Variants in DIAPH1 observed in about 807,000 individuals in gnomAD.
The protein encoded by DIAPH1 is diaphanous related formin 1.
In DIAPH1, 46 loss-of-function variants were observed where a neutral mutation model predicts 140.7. The observed-to-expected ratio is 0.33, with a 90% CI of 0.26 to 0.42. The LOEUF (loss-of-function observed/expected upper bound fraction) is 0.42. Ranked by LOEUF, DIAPH1 falls within the 10% of genes least tolerant of loss-of-function variation. The probability of loss-of-function intolerance (pLI) is 1.00; values close to 1 mark genes in which losing one functional copy is unlikely to be tolerated. For missense variants in DIAPH1, 1,310 were observed against 1,558.7 expected, an observed-to-expected ratio of 0.84 and a Z score of 2.69; for synonymous variants, 565 against 551.6, an observed-to-expected ratio of 1.02 and a Z score of -0.34.
chr5:141,584,793 A>C (rs2099897280), intron 3 of DIAPH1, among the ~76,000 whole-genome samples: 1 of 152,186 alleles, frequency 6.6e-6, no homozygotes, highest in Non-Finnish European at 1.5e-5. Context: ...CTTTCTACAT[A>C]TATAACAACC....
chr5:141,536,143 A>C (rs1343938219), intron 18 of DIAPH1: 3 of 385,276 alleles, frequency 7.8e-6, no homozygotes, highest in Non-Finnish European at 1.6e-5. Context: ...CTATAAAAAA[A>C]GTTCAAAAAT....
Position 141,576,268 on chromosome 5 carries a change from C to G in DIAPH1, c.1423G>C (p.Glu475Gln), listed in dbSNP as rs193036129. The G allele has an allele frequency of 6.2e-7, 1 of 1,614,038 alleles. No homozygotes were observed. The highest frequency in any genetic ancestry group is 1.1e-5 in the South Asian group (1 of 91,084). Residue 475 changes from glutamate to glutamine, a missense_variant, in exon 14 of 28, where the codon GAG (glutamate) becomes CAG (glutamine). Physicochemically the swap from Glu to Gln is conservative, Grantham distance 29 (BLOSUM62 2). Around this residue, in one of 3 missense-constraint regions of DIAPH1, gnomAD observed 589 missense variants for 549.3 expected, o/e 1.07. Transcript: ENST00000389054. ...TCTGCAGCTTTGGCTTCAGATTTCT[C>G]CACCTTTGTCTTATCAATCATTTGA... ...IDQMIDKTKV[E>Q]KSEAKAAELE...
chr5:141,578,971 G>A, intron 9 of DIAPH1, 117 bp downstream of exon 9: 1 of 845,718 alleles, frequency 1.2e-6, no homozygotes, highest in Non-Finnish European at 2.1e-6. Context: ...AACAGATTCT[G>A]AAATGTAAAA....
intron 18 of DIAPH1, among the ~76,000 whole-genome samples, chr5:141,556,873 T>G (rs1037569625): frequency 3.9e-5 from 6 of 152,162 alleles, no homozygotes; most frequent in South Asian, 4.1e-4. Flanking sequence ...TTTTGTATTT[T>G]TAGTAGAGAC....
chr5:141,604,281 T>C (rs17648271), intron 1 of DIAPH1, among the ~76,000 whole-genome samples: 9,401 of 152,272 alleles, frequency 0.062, 323 homozygotes, highest in South Asian at 0.11. Context: ...TGAATACATA[T>C]ACAGGAAACA....
intron 18 of DIAPH1, chr5:141,563,863 A>G (rs1171967293): frequency 1.3e-5 from 2 of 152,226 alleles, no homozygotes; most frequent in Non-Finnish European, 1.5e-5. Flanking sequence ...AGCATATTCT[A>G]TCCAAGTTAG....
intron 1 of DIAPH1, among the ~76,000 whole-genome samples, chr5:141,609,180 A>AC (rs1388855502): frequency 1.3e-5 from 2 of 151,520 alleles, no homozygotes; most frequent in Non-Finnish European, 2.9e-5. Context: ...AAAAAAAAAA[A>AC]AAAAAAACAG....
intron 1 of DIAPH1, among the ~76,000 whole-genome samples, chr5:141,589,810 A>G (rs1424834984): frequency 6.6e-6 from 1 of 152,112 alleles, no homozygotes; most frequent in Non-Finnish European, 1.5e-5. Context: ...CTGCCCCCCC[A>G]AAAAAGTCTG....
intron 18 of DIAPH1, among the ~76,000 whole-genome samples, chr5:141,568,708 C>T (rs2099894724): frequency 1.3e-5 from 2 of 152,064 alleles, no homozygotes; most frequent in Admixed American, 6.5e-5. Flanking sequence ...CTTCAATGCC[C>T]ATTCTTGGAG....
At position 141,573,999 on chromosome 5, in the gene DIAPH1, A is replaced by T. The variant is rs1562321098; in HGVS notation, c.1851T>A (p.Pro617=). Residue 617 remains proline, a synonymous_variant, in exon 16 of 28, where the codon CCT becomes CCA. Transcript: ENST00000389054. ...TPPPPPPPPP[P]PPPLPGGVCI... ...AAACACCCCCAGGCAAAGGAGGTGG[A>T]GGAGGAGGAGGAGGAGGAGGAGGAG... 7.2e-6 allele frequency: 7 copies of T among 976,360 alleles called. No individual in the cohort carries two copies. Among genetic ancestry groups the T allele is most frequent in the Non-Finnish European group, 7.9e-6 (6 of 759,594 alleles). 60.5% of individuals were successfully genotyped at this position (976,360 alleles called of 1,614,324 possible). A position where few individuals can be genotyped will look rare whatever the true frequency, so the allele number is the denominator to read the frequency against.
chr5:141,534,222 G>A, intron 19 of DIAPH1, 113 bp downstream of exon 19: 1 of 827,994 alleles, frequency 1.2e-6, no homozygotes, highest in Non-Finnish European at 2.1e-6. Flanking sequence ...TTGGTATATA[G>A]CAGGAATTGA....
At chr5:141,578,184 G>A in intron 11 of DIAPH1, 41 bp downstream of exon 11, 2 of 1,417,026 alleles carry the variant, frequency 1.4e-6, no homozygotes, top group Middle Eastern at 1.8e-4. Flanking sequence ...TAAATACAAT[G>A]AATGTCTCAT....
At chr5:141,573,169 G>A (rs891087582) in intron 16 of DIAPH1, among the ~76,000 whole-genome samples, 2 of 152,072 alleles carry the variant, frequency 1.3e-5, no homozygotes, top group African/African-American at 4.8e-5. Context: ...GGGCGCGGTG[G>A]CTCACGCCTG....
At chr5:141,524,096 C>T in intron 27 of DIAPH1, 47 bp downstream of exon 27, 1 of 1,528,900 alleles carries the variant, frequency 6.5e-7, no homozygotes, top group Non-Finnish European at 9.1e-7. Flanking sequence ...GAGTAGAGAG[C>T]CCTCACCCCC....
chr5:141,553,366 A>G (rs2099892041), intron 18 of DIAPH1, among the ~76,000 whole-genome samples: 2 of 152,042 alleles, frequency 1.3e-5, no homozygotes, highest in Admixed American at 1.3e-4. Context: ...TCGGCCGGGC[A>G]TGGTGGCTCA....
intron 12 of DIAPH1, 85 bp downstream of exon 12, chr5:141,577,390 T>C: frequency 9.9e-7 from 1 of 1,007,580 alleles, no homozygotes. Context: ...ACATTTTCCT[T>C]TTACAGAACA....
At position 141,573,606 on chromosome 5, in the gene DIAPH1, A is replaced by G; in HGVS notation, c.2244T>C (p.Pro748=). The G allele has an allele frequency of 6.2e-7, 1 of 1,613,808 alleles. No homozygotes were observed. The highest frequency in any genetic ancestry group is 8.5e-7 in the Non-Finnish European group (1 of 1,179,930). ...IPPPPPGMGM[P]PPPPFGFGVP... ...CTCCAAATCCAAATGGGGGAGGTGG[A>G]GGCATACCCATTCCGGGTGGAGGTG... Residue 748 remains proline, a synonymous_variant, in exon 16 of 28, where the codon CCT becomes CCC. Transcript: ENST00000389054.
chr5:141,580,412 G>A (rs1044567948), intron 8 of DIAPH1, among the ~76,000 whole-genome samples: 12 of 151,606 alleles, frequency 7.9e-5, no homozygotes, highest in Admixed American at 3.9e-4. Flanking sequence ...CTTCTATATC[G>A]TTTGAGTTTT....
chr5:141,578,405 A>G, intron 10 of DIAPH1, 62 bp from the exon 11 acceptor site: 1 of 1,551,420 alleles, frequency 6.4e-7, no homozygotes. Context: ...TAGAAACCTA[A>G]GCTTTTCAAC....
Sources: allele counts gnomAD v4.1 joint callset (sites outside exome capture counted in the v4.1 genomes callset), GRCh38; gene constraint gnomAD v4.1.1; regional missense constraint gnomAD v4.1.1; transcripts MANE v1.5; gene names NCBI Gene and HGNC (gene_info 2026-07-23, HGNC 2026-07-21).